Variants in HAP1 observed in about 807,000 individuals in gnomAD.
The protein encoded by HAP1 is huntingtin associated protein 1, also known as huntingtin-associated protein 1.
HAP1 carries 59 observed loss-of-function variants against 60.3 expected under a neutral mutation model. That is an observed-to-expected ratio of 0.98 (90% CI 0.79 to 1.22). The LOEUF (loss-of-function observed/expected upper bound fraction) is 1.22, where lower values mean the gene tolerates loss of function less well. Among genes scored for constraint, HAP1 ranks in the 50% most tolerant of loss-of-function variants. The probability of loss-of-function intolerance (pLI) is 0.00; values close to 1 mark genes in which losing one functional copy is unlikely to be tolerated. For synonymous variants in HAP1, 346 were observed against 330.6 expected (o/e 1.05, Z -0.50); for missense variants, 825 against 785.3 (o/e 1.05, Z -0.60).
downstream of HAP1, chr17:41,718,196 TC>T: frequency 3.5e-6 from 1 of 282,010 alleles, no homozygotes; most frequent in African/African-American, 2.1e-5. Context: ...TCTTGTCTGA[TC>T]TTGGAAACTA....
At position 41,727,051 on chromosome 17, in the gene HAP1, A is replaced by G. The variant is rs782509605; in HGVS notation, c.1367+2T>C. 1 of 1,491,618 alleles carries G rather than the reference A, an allele frequency of 6.7e-7. No homozygotes were observed. Among genetic ancestry groups the G allele is most frequent in the Non-Finnish European group, 9.2e-7 (1 of 1,083,024 alleles). 92.4% of individuals were successfully genotyped at this position (1,491,618 alleles called of 1,614,324 possible). A position where few individuals can be genotyped will look rare whatever the true frequency, so the allele number is the denominator to read the frequency against. On this transcript the variant is annotated splice_donor_variant, in intron 9 of 10. Coordinates refer to ENST00000347901, the MANE Select transcript of HAP1 (RefSeq NM_177977.3). LOFTEE classifies it high-confidence loss of function. ...GGGCAAGGGAGGGCCCCAGCCACGC[A>G]CCTCTCCATAAAATACACAGGGTCT...
At chr17:41,728,104 G>C (rs1257940608) in intron 7 of HAP1, 97 bp downstream of exon 7, 1 of 1,401,684 alleles carries the variant, frequency 7.1e-7, no homozygotes, top group East Asian at 2.3e-5. Flanking sequence ...GACACAGAAA[G>C]GGACCTCAGG....
chr17:41,732,203 G>A (rs3895103), intron 3 of HAP1, 27 bp downstream of exon 3: 4 of 1,612,872 alleles, frequency 2.5e-6, no homozygotes, highest in Non-Finnish European at 8.5e-7. Flanking sequence ...AGATTGGCCC[G>A]CTATCCTCTC....
In HAP1 at chr17:41,722,876, G is replaced by A. The variant is rs1911304032; in HGVS notation, c.*1825C>T. On this transcript the variant is annotated 3_prime_UTR_variant, in exon 11 of 11. Transcript: ENST00000347901. ...GGGCTGGGCCACGGATGGGAGCCTG[G>A]ACACCCCCAGGCCACTGGCAGAAGA... 6.6e-6 allele frequency: 1 copy of A among 152,232 alleles called. No homozygotes were observed. Among genetic ancestry groups the A allele is most frequent in the South Asian group, 2.1e-4 (1 of 4,802 alleles). The allele number at this position is 152,232 out of a possible 1,614,324, so 9.4% of individuals were successfully genotyped here.
Position 41,731,474 on chromosome 17 carries a change from G to A in HAP1, c.1069+19C>T, listed in dbSNP as rs373533005. ...GCTCCTTGGGACAACCCCCCACCCC[G>A]AGTGACAACATTACGTACAAAACTG... On this transcript the variant is annotated intron_variant, in intron 6 of 10. Transcript: ENST00000347901. 83 of 1,558,818 alleles carry A rather than the reference G, an allele frequency of 5.3e-5. No individual in the cohort carries two copies. Among genetic ancestry groups the A allele is most frequent in the Admixed American group, 1.8e-4 (11 of 59,908 alleles).
At chr17:41,728,763 G>C (rs1911889160) in intron 6 of HAP1, among the ~76,000 whole-genome samples, 1 of 152,116 alleles carries the variant, frequency 6.6e-6, no homozygotes, top group Non-Finnish European at 1.5e-5. Flanking sequence ...GAAAAACATG[G>C]GTCCAAGCTG....
rs373496075 is a variant in HAP1 at position 41,731,731 on chromosome 17, C to T, written c.909G>A (p.Glu303=). 3.7e-5 allele frequency: 60 copies of T among 1,613,236 alleles called. No individual in the cohort carries two copies. The highest frequency in any genetic ancestry group is 3.6e-4 in the East Asian group (16 of 44,876). ...PCDAPKLISQ[E]ALLHQHHCPQ... The stretch of plus-strand genomic sequence containing the variant: ...GGCAGTGGTGCTGGTGCAGCAATGC[C>T]TCCTGCGAAATCCTAGGGGAGGGAG... Residue 303 remains glutamate, a synonymous_variant, in exon 5 of 11, where the codon GAG becomes GAA. Transcript: ENST00000347901.
Position 41,729,740 on chromosome 17 carries a change from G to A in HAP1, c.1070-1409C>T, listed in dbSNP as rs1464023383. 2.7e-5 allele frequency among the ~76,000 whole-genome samples: 4 copies of A among 149,636 alleles called. No homozygotes were observed. In the Admixed American group the frequency reaches 2.7e-4, roughly 10 times the overall value. ...AAAATACAAAAATTAGCTGGGCACG[G>A]TAGCACAGGCCTGTAATCCCAGCTA... is the stretch of plus-strand genomic sequence containing the variant. On this transcript the variant is annotated intron_variant, in intron 6 of 10. Transcript: ENST00000347901.
Position 41,731,509 on chromosome 17 carries a change from C to G in HAP1, c.1053G>C (p.Glu351Asp). ...LEDEEQMLIL[E>D]CVEQFSEASQ... ...ATTACGTACAAAACTGCTCCACACA[C>G]TCCAGAATGAGCATCTGTTCCTCAT... Residue 351 changes from glutamate to aspartate, a missense_variant, in exon 6 of 11, where the codon GAG becomes GAC. Glu to Asp is a conservative substitution (Grantham distance 45). Transcript: ENST00000347901. 6.2e-7 allele frequency: 1 copy of G among 1,611,734 alleles called. No individual in the cohort carries two copies. The highest frequency in any genetic ancestry group is 8.5e-7 in the Non-Finnish European group (1 of 1,177,796).
chr17:41,728,849 A>G (rs781801086), intron 6 of HAP1, among the ~76,000 whole-genome samples: 1 of 152,192 alleles, frequency 6.6e-6, no homozygotes, highest in Non-Finnish European at 1.5e-5. Flanking sequence ...GCCAGACCAC[A>G]GTAGTGGGCA....
intron 2 of HAP1, 66 bp downstream of exon 2, chr17:41,732,653 A>G (rs1912311007): frequency 7.4e-7 from 1 of 1,345,944 alleles, no homozygotes; most frequent in Non-Finnish European, 1.1e-6. Flanking sequence ...GAAATAAACA[A>G]GACCCCCACC....
chr17:41,724,651 A>G lies in HAP1; in HGVS notation c.*50T>C, dbSNP rs41314142. The G allele has an allele frequency of 8.8e-3, 12,013 of 1,360,690 alleles. 84 individuals are homozygous for G. Among genetic ancestry groups the G allele is most frequent in the Middle Eastern group, 0.011 (41 of 3,794 alleles). 84.3% of individuals were successfully genotyped at this position (1,360,690 alleles called of 1,614,324 possible). ...CCATGCAAATAAGCACAGCAGGTAG[A>G]GCCAGGCTGGGGCAGGTGAGCACTC... is the stretch of plus-strand genomic sequence containing the variant. On this transcript the variant is annotated 3_prime_UTR_variant, in exon 11 of 11. Transcript: ENST00000347901.
chr17:41,734,002 T>C (rs1218250934), intron 1 of HAP1, among the ~76,000 whole-genome samples, 164 bp downstream of exon 1: 1 of 151,670 alleles, frequency 6.6e-6, no homozygotes. Context: ...GAGGAGGAGA[T>C]GGAGAAGGGG....
In HAP1 at chr17:41,732,943, C is replaced by T. The variant is rs557731481; in HGVS notation, c.470-145G>A. 3.7e-4 allele frequency: 241 copies of T among 644,906 alleles called. 1 individual carries two copies. Among genetic ancestry groups the T allele is most frequent in the South Asian group, 2.6e-3 (146 of 56,762 alleles). The allele number at this position is 644,906 out of a possible 1,614,324, so 39.9% of individuals were successfully genotyped here. A position where few individuals can be genotyped will look rare whatever the true frequency, so the allele number is the denominator to read the frequency against. ...GAGAAGACTGGGCTCCCCTCCTGCC[C>T]CCCACATCCTCCCCTTACCCCTCGG... is the stretch of plus-strand genomic sequence containing the variant. On this transcript the variant is annotated intron_variant, in intron 1 of 10. Transcript: ENST00000347901.
rs1025728234 is a variant in HAP1 at position 41,734,394 on chromosome 17, G to C, written c.241C>G (p.Arg81Gly). ...ASEAGAKAGA[R>G]RPSAFSAIQG... is the part of the protein sequence containing the mutation. ...ATGGCCGAGAATGCGGACGGGCGCC[G>C]GGCTCCTGCCTTGGCTCCAGCCTCC... The change falls in exon 1 of 11, where the codon CGG becomes GGG. Residue 81 changes from arginine (R) to glycine (G), a missense_variant. Arg to Gly is a moderately radical substitution (Grantham distance 125). Coordinates refer to ENST00000347901, the MANE Select transcript of HAP1 (RefSeq NM_177977.3). The C allele has an allele frequency of 1.9e-6, 3 of 1,606,308 alleles. No homozygotes were observed. The highest frequency in any genetic ancestry group is 2.6e-6 in the Non-Finnish European group (3 of 1,174,832).
At chr17:41,719,419 G>A (rs6416919), downstream of HAP1, among the ~76,000 whole-genome samples, 126,095 of 152,176 alleles carry the variant, frequency 0.83, 52,518 homozygotes, top group Middle Eastern at 0.93. Context: ...TTGGCCAGCC[G>A]CAGTGGCTCA....
Position 41,725,859 on chromosome 17 carries a change from C to T in HAP1, c.1406G>A (p.Arg469Lys), listed in dbSNP as rs1555588669. The T allele has an allele frequency of 3.1e-6, 5 of 1,612,378 alleles. No homozygotes were observed. The Admixed American group carries it at 5.0e-5, about 16-fold the overall frequency. Residue 469 changes from arginine (R) to lysine (K), a missense_variant and splice_region_variant, in exon 10 of 11, where the codon AGG becomes AAG. Transcript: ENST00000347901. ...EMPRGDTSSLRYDFRYSEDRE... is the reference protein window; with the variant it reads ...EMPRGDTSSLKYDFRYSEDRE... ...GTAGGGGAGCCCCTGGCAGGCTTAC[C>T]TTAGGCTGGATGTGTCCCCTCTGGG...
rs1555590218 is a variant in HAP1 at position 41,730,031 on chromosome 17, A to AAGAAAG, written c.1069+1461_1069+1462insCTTTCT. On this transcript the variant is annotated intron_variant, in intron 6 of 10. Transcript: ENST00000347901. ...TCCATCTCAAAAAAAAAAAGAAAGA[A>AAGAAAG]AGAGAGAGAGAGAGAGAGAGAGAAG... 1.2e-3 allele frequency: 26 copies of AAGAAAG among 21,430 alleles called. 4 individuals are homozygous for AAGAAAG. The highest frequency in any genetic ancestry group is 6.2e-3 in the African/African-American group (24 of 3,874). 1.3% of individuals were successfully genotyped at this position (21,430 alleles called of 1,614,324 possible). A position where few individuals can be genotyped will look rare whatever the true frequency, so the allele number is the denominator to read the frequency against.
In HAP1 at chr17:41,724,638, G is replaced by A. The variant is rs1911454706; in HGVS notation, c.*63C>T. The A allele has an allele frequency of 2.5e-6, 3 of 1,212,652 alleles. No individual in the cohort carries two copies. Among genetic ancestry groups the A allele is most frequent in the Non-Finnish European group, 3.6e-6 (3 of 844,940 alleles). The allele number at this position is 1,212,652 out of a possible 1,614,324, so 75.1% of individuals were successfully genotyped here. ...TGATATGCAAAGTCCATGCAAATAA[G>A]CACAGCAGGTAGAGCCAGGCTGGGG... On this transcript the variant is annotated 3_prime_UTR_variant, in exon 11 of 11. Coordinates refer to ENST00000347901, the MANE Select transcript of HAP1 (RefSeq NM_177977.3).
Sources: allele counts gnomAD v4.1 joint callset (sites outside exome capture counted in the v4.1 genomes callset), GRCh38; gene constraint gnomAD v4.1.1; transcripts MANE v1.5; gene names NCBI Gene and HGNC (gene_info 2026-07-23, HGNC 2026-07-21).